Variants in KLHL1 observed in about 807,000 individuals in gnomAD.
The protein encoded by KLHL1 is kelch-like protein 1.
Under a neutral mutation model 77.7 loss-of-function variants are expected in KLHL1, and 47 were observed. The ratio of observed to expected loss-of-function variants is 0.60; its 90% CI spans 0.48 to 0.77. The LOEUF (loss-of-function observed/expected upper bound fraction) is 0.77, where lower values mean the gene tolerates loss of function less well. Ranked by LOEUF, KLHL1 falls within the 30% of genes least tolerant of loss-of-function variation. The pLI is 0.00. For missense variants in KLHL1, 925 were observed against 910.8 expected (o/e 1.02, Z -0.20); for synonymous variants, 360 against 325.2 (o/e 1.11, Z -1.15).
rs773751939 is a variant in KLHL1, at chr13:69,867,937, A to G, written c.1227+14346T>C. 5.6e-3 allele frequency among the ~76,000 whole-genome samples: 853 copies of G among 152,042 alleles called. 6 individuals are homozygous for G. The highest frequency in any genetic ancestry group is 8.6e-3 in the Non-Finnish European group (584 of 67,892). ...TTAATGGGTGCAGCACACCAACATG[A>G]AACATGTATACATATGTAACTAACC... On this transcript the variant is annotated intron_variant, in intron 5 of 10. Coordinates refer to ENST00000377844, the MANE Select transcript of KLHL1 (RefSeq NM_020866.3).
intron 6 of KLHL1, among the ~76,000 whole-genome samples, chr13:69,827,237 ATT>A (rs985737620): frequency 6.6e-6 from 1 of 151,764 alleles, no homozygotes; most frequent in African/African-American, 2.4e-5. Flanking sequence ...AGCATATTTA[ATT>A]TTGTCAATTA....
intron 4 of KLHL1, among the ~76,000 whole-genome samples, chr13:69,887,880 C>G (rs1881277112): frequency 1.3e-5 from 2 of 152,128 alleles, no homozygotes; most frequent in Non-Finnish European, 2.9e-5. Flanking sequence ...ATTCCTCCAG[C>G]CATTATTCAT....
intron 1 of KLHL1, among the ~76,000 whole-genome samples, chr13:70,005,735 G>A (rs1157547645): frequency 6.6e-6 from 1 of 151,806 alleles, no homozygotes; most frequent in Admixed American, 6.6e-5. Context: ...AAGTATAGCA[G>A]GGAAAATTAT....
intron 1 of KLHL1, among the ~76,000 whole-genome samples, chr13:70,085,746 C>T (rs1402902488): frequency 1.3e-5 from 2 of 152,194 alleles, no homozygotes; most frequent in East Asian, 3.9e-4. Context: ...CACCTGTAAT[C>T]CCAGCTACTC....
At chr13:69,843,282 GA>G (rs200272608) in intron 5 of KLHL1, among the ~76,000 whole-genome samples, 7 of 151,110 alleles carry the variant, frequency 4.6e-5, no homozygotes, top group East Asian at 1.9e-4. Flanking sequence ...CAAAAAAATA[GA>G]AAAAAAATTA....
At position 69,904,485 on chromosome 13, in the gene KLHL1, C is replaced by CT. The variant is rs761265586; in HGVS notation, c.1015-21991dup. Among the ~76,000 whole-genome samples, 4 of 152,262 alleles carry CT rather than the reference C, an allele frequency of 2.6e-5. No individual in the cohort carries two copies. In the East Asian group the frequency reaches 7.7e-4, roughly 29 times the overall value. On this transcript the variant is annotated intron_variant, in intron 4 of 10. Transcript: ENST00000377844. ...AGCTGAAGTTGACTAGTAATACAGT[C>CT]TTTACACTAAATTGAAATTATTCTT...
intron 6 of KLHL1, among the ~76,000 whole-genome samples, chr13:69,827,540 G>C (rs2138089337): frequency 6.6e-6 from 1 of 151,998 alleles, no homozygotes; most frequent in Non-Finnish European, 1.5e-5. Flanking sequence ...GACCATCCTG[G>C]CCAACATGGT....
intron 1 of KLHL1, among the ~76,000 whole-genome samples, chr13:70,088,929 A>G (rs988325156): frequency 2.6e-5 from 4 of 152,064 alleles, no homozygotes; most frequent in African/African-American, 9.7e-5. Flanking sequence ...ATCTATTTAC[A>G]TATGTAGTTT....
chr13:70,050,083 CATTG>C (rs1466870253), intron 1 of KLHL1, among the ~76,000 whole-genome samples: 10 of 151,892 alleles, frequency 6.6e-5, no homozygotes, highest in African/African-American at 1.2e-4. Context: ...TGCTACCTTT[CATTG>C]ATTATTTAAA....
chr13:69,922,077 C>T (rs1472887251), intron 4 of KLHL1, among the ~76,000 whole-genome samples: 1 of 151,860 alleles, frequency 6.6e-6, no homozygotes, highest in Non-Finnish European at 1.5e-5. Flanking sequence ...TAAACGTGCA[C>T]ACGACAGTGC....
intron 7 of KLHL1, among the ~76,000 whole-genome samples, chr13:69,786,693 A>G (rs1876568830): frequency 6.6e-6 from 1 of 152,200 alleles, no homozygotes; most frequent in Non-Finnish European, 1.5e-5. Flanking sequence ...AGGGTATTCA[A>G]TTAGGAAAAG....
At chr13:69,954,807 A>AC (rs1883817415) in intron 3 of KLHL1, among the ~76,000 whole-genome samples, 1 of 151,128 alleles carries the variant, frequency 6.6e-6, no homozygotes, top group Non-Finnish European at 1.5e-5. Flanking sequence ...TTTTACACAC[A>AC]CACACACACA....
At chr13:69,840,634 T>C (rs1879209907) in intron 5 of KLHL1, among the ~76,000 whole-genome samples, 1 of 151,864 alleles carries the variant, frequency 6.6e-6, no homozygotes, top group African/African-American at 2.4e-5. Context: ...TTTTGTTGTA[T>C]ACTAATACCT....
chr13:70,081,452 A>G (rs1566559773), intron 1 of KLHL1, among the ~76,000 whole-genome samples: 2 of 152,172 alleles, frequency 1.3e-5, no homozygotes, highest in African/African-American at 4.8e-5. Flanking sequence ...ATTCCAGTGC[A>G]TCACAAAATT....
chr13:70,108,108 A>T lies in KLHL1; in HGVS notation c.-409T>A, dbSNP rs1888122628. On this transcript the variant is annotated 5_prime_UTR_variant, in exon 1 of 11. Coordinates refer to ENST00000377844, the MANE Select transcript of KLHL1 (RefSeq NM_020866.3). The stretch of plus-strand genomic sequence containing the variant: ...AGGCGGCTGCAGCTGGATACACCTC[A>T]CTGGGATGCGCTTGTGGCAGAGCCT... 1 of 409,528 alleles carries T rather than the reference A, an allele frequency of 2.4e-6. No homozygotes were observed. The highest frequency in any genetic ancestry group is 4.3e-6 in the Non-Finnish European group (1 of 232,444). 25.4% of individuals were successfully genotyped at this position (409,528 alleles called of 1,614,324 possible). A position where few individuals can be genotyped will look rare whatever the true frequency, so the allele number is the denominator to read the frequency against.
At chr13:69,792,759 C>T (rs1296365449) in intron 7 of KLHL1, among the ~76,000 whole-genome samples, 2 of 151,942 alleles carry the variant, frequency 1.3e-5, no homozygotes, top group African/African-American at 4.8e-5. Flanking sequence ...AAACATTGTG[C>T]TACATGAAAG....
At position 70,075,299 on chromosome 13, in the gene KLHL1, T is replaced by C. The variant is rs572818334; in HGVS notation, c.497+31904A>G. Among the ~76,000 whole-genome samples, 7 of 151,450 alleles carry C rather than the reference T, an allele frequency of 4.6e-5. No individual in the cohort carries two copies. In the East Asian group the frequency reaches 5.8e-4, roughly 13 times the overall value. On this transcript the variant is annotated intron_variant, in intron 1 of 10. Transcript: ENST00000377844. ...AAGAGCAAAGGTAATCTCTTAGAGCTGCTCTCAGAATAAATTAAAAATTTG... is the reference window on the plus strand; with the variant it reads ...AAGAGCAAAGGTAATCTCTTAGAGCCGCTCTCAGAATAAATTAAAAATTTG...
At chr13:70,079,355 C>T (rs571411917) in intron 1 of KLHL1, among the ~76,000 whole-genome samples, 1 of 152,274 alleles carries the variant, frequency 6.6e-6, no homozygotes, top group African/African-American at 2.4e-5. Flanking sequence ...CCAGGTAATT[C>T]TCCTGTATGC....
At chr13:70,078,687 G>A (rs1355430350) in intron 1 of KLHL1, among the ~76,000 whole-genome samples, 3 of 152,048 alleles carry the variant, frequency 2.0e-5, no homozygotes, top group South Asian at 2.1e-4. Context: ...TGATCTTTGC[G>A]ACCACTGCCA....
Sources: gnomAD v4.1 joint callset for allele counts (sites outside exome capture counted in the v4.1 genomes callset) on GRCh38, gnomAD v4.1.1 for gene constraint, MANE v1.5 for transcripts, NCBI Gene and HGNC (gene_info 2026-07-23, HGNC 2026-07-21) for gene names.